The following EARS2 variants were observed in gnomAD, a reference collection of about 807,000 sequenced individuals.
EARS2 encodes nondiscriminating glutamyl-tRNA synthetase EARS2, mitochondrial.
In EARS2, 50 loss-of-function variants were observed where a neutral mutation model predicts 54.1. That is an observed-to-expected ratio of 0.92 (90% CI 0.74 to 1.17). The LOEUF is 1.17. EARS2 is among the 50% of genes most tolerant of loss of function. The pLI, the probability that EARS2 is intolerant of heterozygous loss-of-function variation, is 0.00. For missense variants in EARS2, 673 were observed against 675.0 expected, an observed-to-expected ratio of 1.00 and a Z score of 0.03; for synonymous variants, 298 against 281.0, an observed-to-expected ratio of 1.06 and a Z score of -0.61.
intron 7 of EARS2, among the ~76,000 whole-genome samples, chr16:23,528,070 C>T (rs1184463284): frequency 2.0e-5 from 3 of 152,086 alleles, no homozygotes; most frequent in Admixed American, 1.3e-4. Context: ...GAGGATGCAG[C>T]GAAGGGCTGG....
At position 23,557,245 on chromosome 16, in the gene EARS2, G is replaced by A. The variant is rs893834900; in HGVS notation, c.99C>T (p.Ala33=). The change falls in exon 1 of 9, where the codon GCC becomes GCT. Residue 33 remains alanine (A), a synonymous_variant. Transcript: ENST00000449606. ...GRREANLGTD[A]GVAVRVRFAP... is the part of the protein sequence containing the mutation. ...CGAACCGCACTCGCACCGCAACCCC[G>A]GCATCAGTGCCCAGGTTGGCCTCGC... 8.5e-6 allele frequency: 13 copies of A among 1,520,736 alleles called. No homozygotes were observed. Among genetic ancestry groups the A allele is most frequent in the Non-Finnish European group, 7.9e-6 (9 of 1,144,004 alleles). 94.2% of individuals were successfully genotyped at this position (1,520,736 alleles called of 1,614,324 possible).
rs745607090 is a variant in EARS2, at chr16:23,531,422, G to A, written c.1067+1235C>T. ...ACTACAGGTGCCCGCCACCACACCC[G>A]GCTAAGTTTTTTGTATTTTTAGTAG... On this transcript the variant is annotated intron_variant, in intron 5 of 8. Coordinates refer to ENST00000449606, the MANE Select transcript of EARS2 (RefSeq NM_001083614.2). 6.6e-5 allele frequency among the ~76,000 whole-genome samples: 10 copies of A among 151,936 alleles called. No homozygotes were observed. The South Asian group carries it at 1.0e-3, about 16-fold the overall frequency.
At chr16:23,524,587 G>A in intron 8 of EARS2, 133 bp from the exon 9 acceptor site, 2 of 723,524 alleles carry the variant, frequency 2.8e-6, no homozygotes, top group South Asian at 1.7e-5. Flanking sequence ...ATCAGTGCTT[G>A]TGTTATTTCC....
intron 2 of EARS2, among the ~76,000 whole-genome samples, chr16:23,546,023 G>C (rs1379304327): frequency 6.6e-6 from 1 of 152,114 alleles, no homozygotes; most frequent in Non-Finnish European, 1.5e-5. Flanking sequence ...TTCCTCTTTT[G>C]AAAAGTGGAG....
At chr16:23,548,431 C>A (rs1965641551) in intron 2 of EARS2, among the ~76,000 whole-genome samples, 1 of 152,106 alleles carries the variant, frequency 6.6e-6, no homozygotes, top group Non-Finnish European at 1.5e-5. Flanking sequence ...AATGATGCTG[C>A]CCCAGGAATT....
In EARS2 at chr16:23,529,812, C is replaced by A; in HGVS notation, c.1153G>T (p.Gly385Cys). The A allele has an allele frequency of 1.2e-6, 2 of 1,614,154 alleles. No individual in the cohort carries two copies. Among genetic ancestry groups the A allele is most frequent in the Non-Finnish European group, 1.7e-6 (2 of 1,180,026 alleles). Residue 385 changes from glycine (G) to cysteine (C), a missense_variant, in exon 6 of 9, where the codon GGT (glycine) becomes TGT (cysteine). Coordinates refer to ENST00000449606, the MANE Select transcript of EARS2 (RefSeq NM_001083614.2). Reference sequence around the variant, plus strand: ...ACATCCCTGTTTTGCAGCTGGCAACCAAAGGCCTCCTCCACAAGGACCTGC... The same window carrying A: ...ACATCCCTGTTTTGCAGCTGGCAACAAAAGGCCTCCTCCACAAGGACCTGC... Reference protein sequence around the residue: ...KLQVLVEEAFGCQLQNRDVLN... With the variant: ...KLQVLVEEAFCCQLQNRDVLN...
intron 2 of EARS2, among the ~76,000 whole-genome samples, chr16:23,548,512 A>G (rs766291524): frequency 2.7e-4 from 41 of 152,194 alleles, no homozygotes; most frequent in Non-Finnish European, 5.1e-4. Flanking sequence ...GTGGTACCTG[A>G]TAAGTAGCAG....
At chr16:23,544,140 C>G (rs1398850446) in intron 3 of EARS2, among the ~76,000 whole-genome samples, 1 of 152,212 alleles carries the variant, frequency 6.6e-6, no homozygotes, top group Non-Finnish European at 1.5e-5. Flanking sequence ...TGCTCACTCT[C>G]TCCTTGGCTG....
In EARS2 at chr16:23,521,186, C is replaced by T. The variant is rs1385450125; in HGVS notation, c.*3185G>A. On this transcript the variant is annotated 3_prime_UTR_variant, in exon 9 of 9. Coordinates refer to ENST00000449606, the MANE Select transcript of EARS2 (RefSeq NM_001083614.2). The stretch of plus-strand genomic sequence containing the variant: ...TTAAATATACAGTTCAGCGGCATTA[C>T]GTATCTTTATAATGTTGTGCAATTA... Among the ~76,000 whole-genome samples the T allele has an allele frequency of 4.1e-4, 63 of 152,078 alleles. No individual in the cohort carries two copies. Among genetic ancestry groups the T allele is most frequent in the Admixed American group, 4.0e-3 (61 of 15,248 alleles).
chr16:23,555,881 T>C lies in EARS2; in HGVS notation c.139+1324A>G, dbSNP rs191075210. Among the ~76,000 whole-genome samples the C allele has an allele frequency of 3.9e-5, 6 of 152,346 alleles. No individual in the cohort carries two copies. The East Asian group carries it at 1.2e-3, about 29-fold the overall frequency. On this transcript the variant is annotated intron_variant, in intron 1 of 8. Transcript: ENST00000449606. ...TTTTAGTAGAGACAAGGTTTTGCCA[T>C]ATTGGCCAGGCGAAACTTACATAGC... is the stretch of plus-strand genomic sequence containing the variant.
chr16:23,550,022 A>G (rs1279462502), intron 2 of EARS2, among the ~76,000 whole-genome samples: 1 of 151,942 alleles, frequency 6.6e-6, no homozygotes, highest in East Asian at 1.9e-4. Context: ...TAAGCCTGTT[A>G]CTCTTTTCTC....
rs371357708 is a variant in EARS2 at position 23,529,681 on chromosome 16, G to C, written c.1222-49C>G. 6 of 1,612,752 alleles carry C rather than the reference G, an allele frequency of 3.7e-6. No homozygotes were observed. The African/African-American group carries it at 8.0e-5, about 22-fold the overall frequency. On this transcript the variant is annotated intron_variant, in intron 6 of 8. Transcript: ENST00000449606. ...ATGCACTAGGGACAGGGCTCTGGAAGGCAGGAGGAATTGAGGCACCCAGTA... is the reference window on the plus strand; with the variant it reads ...ATGCACTAGGGACAGGGCTCTGGAACGCAGGAGGAATTGAGGCACCCAGTA...
intron 1 of EARS2, 63 bp downstream of exon 1, chr16:23,557,142 C>T: frequency 6.7e-7 from 1 of 1,492,480 alleles, no homozygotes. Flanking sequence ...CATTCGGGAA[C>T]ATTCGTGGGG....
At chr16:23,543,512 C>T (rs1965550959) in intron 3 of EARS2, among the ~76,000 whole-genome samples, 1 of 151,832 alleles carries the variant, frequency 6.6e-6, no homozygotes, top group Non-Finnish European at 1.5e-5. Flanking sequence ...CTTTGGGAAT[C>T]TGAGAAAGGT....
chr16:23,535,140 C>T lies in EARS2; in HGVS notation c.706G>A (p.Asp236Asn), dbSNP rs540283578. The T allele has an allele frequency of 7.4e-6, 12 of 1,612,818 alleles. No individual in the cohort carries two copies. The South Asian group carries it at 9.9e-5, about 13-fold the overall frequency. ...PTYHLACVVD[D>N]HHMGISHVLR... is the part of the protein sequence containing the mutation. ...ACGTGGCTGATGCCCATGTGGTGGTCGTCCACCACGCAGGCCAGGTGGTAT... is the reference window on the plus strand; with the variant it reads ...ACGTGGCTGATGCCCATGTGGTGGTTGTCCACCACGCAGGCCAGGTGGTAT... Residue 236 changes from aspartate to asparagine, a missense_variant, in exon 4 of 9, where the codon GAC (aspartate) becomes AAC (asparagine). Physicochemically the swap from Asp to Asn is conservative, Grantham distance 23. Around this residue, in one of 3 missense-constraint regions of EARS2, gnomAD observed 338 missense variants for 361.2 expected, o/e 0.94. Coordinates refer to ENST00000449606, the MANE Select transcript of EARS2 (RefSeq NM_001083614.2).
At chr16:23,543,039 C>T (rs1048309315) in intron 3 of EARS2, among the ~76,000 whole-genome samples, 1 of 141,216 alleles carries the variant, frequency 7.1e-6, no homozygotes, top group African/African-American at 2.6e-5. Flanking sequence ...CCCTTGAACC[C>T]GGGAGGTGGA....
At chr16:23,532,499 C>A in intron 5 of EARS2, 158 bp downstream of exon 5, 1 of 552,122 alleles carries the variant, frequency 1.8e-6, no homozygotes. Context: ...TTATTAATCC[C>A]ATTTTAGAGA....
intron 2 of EARS2, among the ~76,000 whole-genome samples, chr16:23,547,994 G>T (rs929819342): frequency 6.6e-6 from 1 of 152,076 alleles, no homozygotes; most frequent in Middle Eastern, 3.4e-3. Context: ...ACTTTGGGAG[G>T]CTGAGGCGGG....
In EARS2 at chr16:23,547,223, T is replaced by C. The variant is rs74014937; in HGVS notation, c.296-2520A>G. ...GCATGATAGCCCACAGATGCGCTTA[T>C]GGTAAGTGAAGGAAGCCAGTCACAG... On this transcript the variant is annotated intron_variant, in intron 2 of 8. Transcript: ENST00000449606. 7.4e-3 allele frequency among the ~76,000 whole-genome samples: 1,126 copies of C among 152,274 alleles called. 16 individuals carry two copies. The highest frequency in any genetic ancestry group is 0.026 in the African/African-American group (1,074 of 41,538).
Sources: allele counts gnomAD v4.1 joint callset (sites outside exome capture counted in the v4.1 genomes callset), GRCh38; gene constraint gnomAD v4.1.1; regional missense constraint gnomAD v4.1.1; transcripts MANE v1.5; gene names NCBI Gene and HGNC (gene_info 2026-07-23, HGNC 2026-07-21).